The following PEX1 variants were observed in gnomAD, a reference collection of about 807,000 sequenced individuals.
PEX1 encodes the protein peroxisomal biogenesis factor 1, also known as peroxisomal ATPase PEX1.
PEX1 carries 97 observed loss-of-function variants against 152.5 expected under a neutral mutation model. That is an observed-to-expected ratio of 0.64 (90% CI 0.54 to 0.75). The LOEUF is 0.75. Among genes scored for constraint, PEX1 ranks in the 30% least tolerant of loss-of-function variants. The probability of loss-of-function intolerance (pLI) is 0.00; values close to 1 mark genes in which losing one functional copy is unlikely to be tolerated. For missense variants in PEX1, 1,357 were observed against 1,516.3 expected (o/e 0.89, Z 1.74); for synonymous variants, 485 against 531.6 (o/e 0.91, Z 1.21).
At chr7:92,511,822 G>C in intron 6 of PEX1, 119 bp from the exon 7 acceptor site, 1 of 892,656 alleles carries the variant, frequency 1.1e-6, no homozygotes, top group Admixed American at 2.1e-5. Flanking sequence ...ATCCAATGAA[G>C]GATGTTCATG....
Position 92,489,457 on chromosome 7 carries a change from A to AT in PEX1, c.3637-35dup, listed in dbSNP as rs768692127. The AT allele has an allele frequency of 2.6e-5, 42 of 1,596,224 alleles. No individual in the cohort carries two copies. In the African/African-American group the frequency reaches 5.6e-4, roughly 21 times the overall value. ...AAAAAAGAAATTGACGAAGAGTTAA[A>AT]TTAAGGATGTAAAAAAAAATGTGGT... On this transcript the variant is annotated intron_variant, in intron 22 of 23. Coordinates refer to ENST00000248633, the MANE Select transcript of PEX1 (RefSeq NM_000466.3).
rs2111200 is a variant in PEX1, at chr7:92,511,083, C to T, written c.1484-36G>A. ...GAAAGTAATAAATGCAGAGTTAGTA[C>T]TGAAACAGAGATGAAATAATTTAAG... On this transcript the variant is annotated intron_variant, in intron 7 of 23. Transcript: ENST00000248633. The T allele has an allele frequency of 0.21, 193,208 of 929,884 alleles. 21,661 individuals carry two copies. The highest frequency in any genetic ancestry group is 0.39 in the African/African-American group (23,811 of 61,092). The allele number at this position is 929,884 out of a possible 1,614,324, so 57.6% of individuals were successfully genotyped here. A position where few individuals can be genotyped will look rare whatever the true frequency, so the allele number is the denominator to read the frequency against.
At chr7:92,502,776 CATCT>C (rs1250632828) in intron 13 of PEX1, among the ~76,000 whole-genome samples, 1 of 152,130 alleles carries the variant, frequency 6.6e-6, no homozygotes, top group Admixed American at 6.5e-5. Context: ...GTTTAAAAGC[CATCT>C]ATCTATTTCT....
Position 92,518,038 on chromosome 7 carries a change from T to G in PEX1, c.477A>C (p.Ala159=), listed in dbSNP as rs759628709. ...QQTYIFIQIV[A]LIPAASYGRL... The stretch of plus-strand genomic sequence containing the variant: ...TTCCATAAGAGGCAGCTGGTATTAG[T>G]GCAACTGTGTAGAAAATAAAGCTCA... Residue 159 remains alanine, a synonymous_variant, in exon 5 of 24, where the codon GCA becomes GCC. Transcript: ENST00000248633. 5.0e-6 allele frequency: 8 copies of G among 1,614,182 alleles called. No individual in the cohort carries two copies. The South Asian group carries it at 8.8e-5, about 18-fold the overall frequency.
At chr7:92,488,651 A>G (rs745931654) in intron 23 of PEX1, among the ~76,000 whole-genome samples, 68 of 152,300 alleles carry the variant, frequency 4.5e-4, no homozygotes, top group Non-Finnish European at 8.5e-4. Context: ...AGGTATTTTT[A>G]TAACAAAATT....
chr7:92,497,270 G>A (rs1791698868), intron 16 of PEX1, among the ~76,000 whole-genome samples: 1 of 152,174 alleles, frequency 6.6e-6, no homozygotes, highest in African/African-American at 2.4e-5. Context: ...TGCCACATAA[G>A]TATTGGATAA....
chr7:92,526,524 A>G (rs1793274468), intron 1 of PEX1, among the ~76,000 whole-genome samples: 1 of 152,232 alleles, frequency 6.6e-6, no homozygotes. Flanking sequence ...TATCCTAGAC[A>G]ACCAGAAATA....
At chr7:92,511,750 AACTTT>A (rs1562861440) in intron 6 of PEX1, 47 bp from the exon 7 acceptor site, 8 of 1,550,768 alleles carry the variant, frequency 5.2e-6, no homozygotes, top group Non-Finnish European at 6.2e-6. Flanking sequence ...ATCTGAACTT[AACTTT>A]AACACCCTTA....
Position 92,521,011 on chromosome 7 carries a change from T to C in PEX1, c.273+1091A>G, listed in dbSNP as rs1420379814. 3.9e-5 allele frequency among the ~76,000 whole-genome samples: 6 copies of C among 152,168 alleles called. No individual in the cohort carries two copies. The East Asian group carries it at 1.2e-3, about 29-fold the overall frequency. Reference sequence around the variant, plus strand: ...CTTTTAAGAGATAGGGTCTTGCTATTGCCCGGGCTGGAGTGCATAATCATA... The same window carrying C: ...CTTTTAAGAGATAGGGTCTTGCTATCGCCCGGGCTGGAGTGCATAATCATA... On this transcript the variant is annotated intron_variant, in intron 2 of 23. Coordinates refer to ENST00000248633, the MANE Select transcript of PEX1 (RefSeq NM_000466.3).
intron 1 of PEX1, among the ~76,000 whole-genome samples, chr7:92,525,790 TG>T (rs1793240079): frequency 6.6e-6 from 1 of 152,104 alleles, no homozygotes; most frequent in South Asian, 2.1e-4. Context: ...ATACAATACT[TG>T]AAACACAGTA....
chr7:92,524,623 T>C (rs1204751733), intron 1 of PEX1, among the ~76,000 whole-genome samples: 1 of 152,218 alleles, frequency 6.6e-6, no homozygotes, highest in Non-Finnish European at 1.5e-5. Context: ...TCTGGGACAA[T>C]ATAACGTACT....
intron 20 of PEX1, 128 bp downstream of exon 20, chr7:92,492,825 T>C: frequency 1.3e-6 from 1 of 764,014 alleles, no homozygotes; most frequent in South Asian, 1.5e-5. Context: ...CAACTAAAGG[T>C]AAATTTATGT....
At chr7:92,509,232 T>C (rs1051997482) in intron 9 of PEX1, 97 bp downstream of exon 9, 30 of 810,914 alleles carry the variant, frequency 3.7e-5, no homozygotes, top group South Asian at 3.4e-4. Context: ...AGATCACTTA[T>C]TGACATTAAC....
At chr7:92,497,772 G>T (rs1791722754) in intron 16 of PEX1, among the ~76,000 whole-genome samples, 1 of 152,068 alleles carries the variant, frequency 6.6e-6, no homozygotes, top group South Asian at 2.1e-4. Context: ...GAGGGAACAA[G>T]AAATAACTAA....
In PEX1 at chr7:92,487,485, C is replaced by G. The variant is rs150793635; in HGVS notation, c.3824G>C (p.Arg1275Pro). The change falls in exon 24 of 24, where the codon CGA becomes CCA. Residue 1275 changes from arginine (R) to proline (P), a missense_variant. Transcript: ENST00000248633. ...RRKNQSGTMF[R>P]PGQKVTLA ...TGCTAAAGTTACTTTCTGTCCAGGT[C>G]GAAACATTGTTCCACTTTGATTTTT... is the stretch of plus-strand genomic sequence containing the variant. 2 of 1,593,732 alleles carry G rather than the reference C, an allele frequency of 1.3e-6. No individual in the cohort carries two copies. Among genetic ancestry groups the G allele is most frequent in the East Asian group, 4.5e-5 (2 of 44,458 alleles).
rs189902683 is a variant in PEX1 at position 92,489,244 on chromosome 7, T to C, written c.3767+49A>G. The C allele has an allele frequency of 3.7e-3, 5,627 of 1,525,720 alleles. 57 individuals are homozygous for C. The highest frequency in any genetic ancestry group is 0.036 in the Middle Eastern group (206 of 5,768). 94.5% of individuals were successfully genotyped at this position (1,525,720 alleles called of 1,614,324 possible). On this transcript the variant is annotated intron_variant, in intron 23 of 23. Coordinates refer to ENST00000248633, the MANE Select transcript of PEX1 (RefSeq NM_000466.3). ...CTTTAAAGGTTTAAGTGTAATACTA[T>C]GTCACTTGTAATAGTAGCTGTACTT... is the stretch of plus-strand genomic sequence containing the variant.
chr7:92,504,908 T>C lies in PEX1; in HGVS notation c.1901-6A>G, dbSNP rs1463841120. ...TATGTTTTCAAGCCTTTTTCCTTAA[T>C]ACAGAAGATATGAAATGGTTTCAGT... is the stretch of plus-strand genomic sequence containing the variant. On this transcript the variant is annotated splice_region_variant and splice_polypyrimidine_tract_variant and intron_variant, in intron 11 of 23. Coordinates refer to ENST00000248633, the MANE Select transcript of PEX1 (RefSeq NM_000466.3). The C allele has an allele frequency of 4.4e-6, 7 of 1,607,684 alleles. No individual in the cohort carries two copies. Among genetic ancestry groups the C allele is most frequent in the Non-Finnish European group, 6.0e-6 (7 of 1,174,134 alleles).
intron 1 of PEX1, among the ~76,000 whole-genome samples, chr7:92,522,723 T>C (rs1793105382): frequency 6.6e-6 from 1 of 152,210 alleles, no homozygotes; most frequent in African/African-American, 2.4e-5. Flanking sequence ...CGTTAATAAG[T>C]AGAAACACAT....
At chr7:92,496,975 T>C (rs1791683807) in intron 16 of PEX1, among the ~76,000 whole-genome samples, 198 bp from the exon 17 acceptor site, 1 of 152,168 alleles carries the variant, frequency 6.6e-6, no homozygotes, top group East Asian at 1.9e-4. Flanking sequence ...CAGAACATTT[T>C]CCCCCGGATA....
Sources: allele counts gnomAD v4.1 joint callset (sites outside exome capture counted in the v4.1 genomes callset), GRCh38; gene constraint gnomAD v4.1.1; transcripts MANE v1.5; gene names NCBI Gene and HGNC (gene_info 2026-07-23, HGNC 2026-07-21).